Variants in CRYBG1 observed in about 807,000 individuals in gnomAD.
CRYBG1 encodes beta/gamma crystallin domain-containing protein 1.
Under a neutral mutation model 189.2 loss-of-function variants are expected in CRYBG1, and 139 were observed. That is an observed-to-expected ratio of 0.73 (90% CI 0.64 to 0.85). CRYBG1 has a LOEUF of 0.85. Among genes scored for constraint, CRYBG1 ranks in the 40% least tolerant of loss-of-function variants. The pLI is 0.00. For missense variants in CRYBG1, 2,611 were observed against 2,675.8 expected (o/e 0.98, Z 0.53); for synonymous variants, 1,023 against 1,017.1 (o/e 1.01, Z -0.11).
chr6:106,408,073 A>G (rs1015737280), intron 1 of CRYBG1, among the ~76,000 whole-genome samples: 3 of 152,214 alleles, frequency 2.0e-5, no homozygotes, highest in African/African-American at 4.8e-5. Flanking sequence ...CAGAAAATCA[A>G]TGAATCCAGG....
chr6:106,551,006 A>C (rs1774390801), intron 13 of CRYBG1, among the ~76,000 whole-genome samples: 1 of 152,016 alleles, frequency 6.6e-6, no homozygotes, highest in African/African-American at 2.4e-5. Flanking sequence ...CTCTTATTTT[A>C]GATTCAGGGG....
chr6:106,421,080 C>A (rs1771113281), intron 1 of CRYBG1, among the ~76,000 whole-genome samples: 1 of 152,096 alleles, frequency 6.6e-6, no homozygotes, highest in Admixed American at 6.6e-5. Context: ...GGACAGGAAG[C>A]CATCCCACTT....
At position 106,527,410 on chromosome 6, in the gene CRYBG1, GCAC is replaced by G; in HGVS notation, c.4519_4521del (p.His1507del). The G allele has an allele frequency of 6.2e-7, 1 of 1,613,776 alleles. No homozygotes were observed. The highest frequency in any genetic ancestry group is 1.1e-5 in the South Asian group (1 of 91,060). On this transcript the variant is annotated inframe_deletion, in exon 7 of 22. Transcript: ENST00000633556. ...GGGGTATAGAAGACATTTTGGAAAG[GCAC>G]GAAGAAGCAGAGTCTGATAAGCCAG...
At chr6:106,506,118 C>G (rs146887005) in intron 2 of CRYBG1, among the ~76,000 whole-genome samples, 14 of 152,288 alleles carry the variant, frequency 9.2e-5, no homozygotes, top group Non-Finnish European at 2.1e-4. Context: ...GCTGCCAAGT[C>G]TTGACCACAC....
intron 1 of CRYBG1, among the ~76,000 whole-genome samples, chr6:106,371,979 A>G (rs568349798): frequency 6.6e-6 from 1 of 152,330 alleles, no homozygotes; most frequent in South Asian, 2.1e-4. Context: ...ACTGTTGACA[A>G]TGTAGAGAGG....
intron 2 of CRYBG1, among the ~76,000 whole-genome samples, chr6:106,474,576 C>T (rs577107853): frequency 2.8e-4 from 42 of 152,242 alleles, no homozygotes; most frequent in African/African-American, 7.0e-4. Flanking sequence ...CTTAGATCCA[C>T]GCAAGAGTGT....
At chr6:106,508,931 A>AC (rs1773187038) in intron 2 of CRYBG1, among the ~76,000 whole-genome samples, 4 of 151,962 alleles carry the variant, frequency 2.6e-5, no homozygotes, top group Admixed American at 2.6e-4. Flanking sequence ...AAAAAAAAAA[A>AC]AAAAATTGTT....
At chr6:106,515,444 C>A (rs1414183217) in intron 3 of CRYBG1, among the ~76,000 whole-genome samples, 5 of 152,124 alleles carry the variant, frequency 3.3e-5, no homozygotes, top group Admixed American at 6.6e-5. Flanking sequence ...TGTTGGCTAA[C>A]CTGTAGTGTT....
intron 3 of CRYBG1, among the ~76,000 whole-genome samples, chr6:106,514,866 TGTTTTGCGCA>T (rs1248703137): frequency 6.6e-6 from 1 of 152,260 alleles, no homozygotes; most frequent in African/African-American, 2.4e-5. Context: ...TCAATGTATT[TGTTTTGCGCA>T]GTGCCTTGCA....
chr6:106,501,480 C>G (rs1773009556), intron 2 of CRYBG1, among the ~76,000 whole-genome samples: 2 of 152,296 alleles, frequency 1.3e-5, no homozygotes, highest in South Asian at 4.1e-4. Context: ...CTCCTTCTCA[C>G]CAGTTGAGAA....
At chr6:106,537,579 G>T (rs937971352) in intron 8 of CRYBG1, among the ~76,000 whole-genome samples, 3 of 151,936 alleles carry the variant, frequency 2.0e-5, no homozygotes, top group Admixed American at 6.5e-5. Flanking sequence ...TTTCCTTAAG[G>T]TAACTTTTTT....
chr6:106,508,645 G>T (rs1773179565), intron 2 of CRYBG1, among the ~76,000 whole-genome samples: 2 of 152,176 alleles, frequency 1.3e-5, no homozygotes, highest in Admixed American at 1.3e-4. Flanking sequence ...TGTTTCAGAA[G>T]TCTGTTCCTT....
chr6:106,498,400 C>T (rs539687635), intron 2 of CRYBG1, among the ~76,000 whole-genome samples: 6 of 152,066 alleles, frequency 3.9e-5, no homozygotes, highest in Admixed American at 6.5e-5. Context: ...AGACACAATC[C>T]GGAACGCCAT....
chr6:106,365,319 T>C (rs941310277), intron 1 of CRYBG1, among the ~76,000 whole-genome samples: 1 of 151,912 alleles, frequency 6.6e-6, no homozygotes, highest in Non-Finnish European at 1.5e-5. Flanking sequence ...CATAGCTACT[T>C]GGGAGGCTGA....
Position 106,512,598 on chromosome 6 carries a change from G to A in CRYBG1, c.1481G>A (p.Gly494Glu), listed in dbSNP as rs1483766821. The change falls in exon 3 of 22, where the codon GGG becomes GAG. Residue 494 changes from glycine (G) to glutamate (E), a missense_variant. Around this residue, in one of 3 missense-constraint regions of CRYBG1, gnomAD observed 985 missense variants for 924.4 expected, o/e 1.07. Transcript: ENST00000633556. ...PESKPSPGTKGQLRGESDRSK... is the reference protein window; with the variant it reads ...PESKPSPGTKEQLRGESDRSK... ...TCCAAGCCCAGCCCCGGTACCAAAG[G>A]GCAGCTCCGAGGGGAGTCGGACCGG... is the stretch of plus-strand genomic sequence containing the variant. 2.5e-6 allele frequency: 4 copies of A among 1,604,120 alleles called. No individual in the cohort carries two copies. Among genetic ancestry groups the A allele is most frequent in the Non-Finnish European group, 3.4e-6 (4 of 1,176,256 alleles).
At chr6:106,375,408 AGT>A (rs1491335665) in intron 1 of CRYBG1, among the ~76,000 whole-genome samples, 22 of 141,022 alleles carry the variant, frequency 1.6e-4, no homozygotes, top group African/African-American at 6.2e-4. Context: ...TAAGTAAGTA[AGT>A]AAGTAAGTAA....
At chr6:106,480,107 A>G (rs55689313) in intron 2 of CRYBG1, among the ~76,000 whole-genome samples, 21,615 of 152,086 alleles carry the variant, frequency 0.14, 1,856 homozygotes, top group Admixed American at 0.22. Flanking sequence ...GATAGGGGCC[A>G]CCACCATTTT....
chr6:106,413,372 G>A (rs1332326998), intron 1 of CRYBG1, among the ~76,000 whole-genome samples: 1 of 152,026 alleles, frequency 6.6e-6, no homozygotes, highest in Non-Finnish European at 1.5e-5. Context: ...TGAAATTCTG[G>A]GACAACAAAA....
Position 106,360,894 on chromosome 6 carries a change from G to A in CRYBG1, c.-15G>A, listed in dbSNP as rs756074437. On this transcript the variant is annotated 5_prime_UTR_variant, in exon 1 of 22. Transcript: ENST00000633556. Reference sequence around the variant, plus strand: ...GACCGCGTCCCGGCAGTCGGAGCGGGAGGAGGACAAGACGATGCCGCTGTC... The same window carrying A: ...GACCGCGTCCCGGCAGTCGGAGCGGAAGGAGGACAAGACGATGCCGCTGTC... 7.9e-6 allele frequency: 12 copies of A among 1,524,408 alleles called. No homozygotes were observed. Among genetic ancestry groups the A allele is most frequent in the Admixed American group, 2.0e-5 (1 of 49,672 alleles). The allele number at this position is 1,524,408 out of a possible 1,614,324, so 94.4% of individuals were successfully genotyped here.
Sources: allele counts gnomAD v4.1 joint callset (sites outside exome capture counted in the v4.1 genomes callset), GRCh38; gene constraint gnomAD v4.1.1; regional missense constraint gnomAD v4.1.1; transcripts MANE v1.5; gene names NCBI Gene and HGNC (gene_info 2026-07-23, HGNC 2026-07-21).